FAM91A1: variants seen among roughly 807,000 people sequenced by gnomAD.
The protein encoded by FAM91A1 is protein FAM91A1.
FAM91A1 carries 41 observed loss-of-function variants against 113.5 expected under a neutral mutation model. The ratio of observed to expected loss-of-function variants is 0.36; its 90% CI spans 0.28 to 0.47. The LOEUF is 0.47. Ranked by LOEUF, FAM91A1 falls within the 20% of genes least tolerant of loss-of-function variation. FAM91A1 has a pLI of 1.00. For synonymous variants in FAM91A1, 307 were observed against 347.9 expected (o/e 0.88, Z 1.31); for missense variants, 696 against 1,001.2 (o/e 0.70, Z 4.11).
Position 123,808,945 on chromosome 8 carries a change from A to G in FAM91A1, c.2190A>G (p.Pro730=), listed in dbSNP as rs1045305166. The G allele has an allele frequency of 3.7e-6, 6 of 1,612,850 alleles. No individual in the cohort carries two copies. Among genetic ancestry groups the G allele is most frequent in the Non-Finnish European group, 2.5e-6 (3 of 1,179,386 alleles). ...CTCTCGAGCTGTGCTTTGGAATTCC[A>G]CTGTTCAGTTCCGAATTAAACCGGA... ...WVPLELCFGI[P]LFSSELNRKV... The change falls in exon 22 of 24, where the codon CCA becomes CCG. Residue 730 remains proline, a synonymous_variant. Coordinates refer to ENST00000334705, the MANE Select transcript of FAM91A1 (RefSeq NM_144963.4).
Position 123,778,032 on chromosome 8 carries a change from G to C in FAM91A1, c.375G>C (p.Arg125Ser). Residue 125 changes from arginine to serine, a missense_variant, in exon 5 of 24, where the codon AGG becomes AGC. Arg to Ser is a moderately radical substitution (Grantham distance 110, BLOSUM62 -1). Coordinates refer to ENST00000334705, the MANE Select transcript of FAM91A1 (RefSeq NM_144963.4). ...AAAGACTCTTTTTTTCAGGTCTAAG[G>C]CTTCTTGGCATAGGAAGAAACCAGT... ...LPNFTAADCLRLLGIGRNQYI... is the reference protein window; with the variant it reads ...LPNFTAADCLSLLGIGRNQYI... 2 of 1,612,120 alleles carry C rather than the reference G, an allele frequency of 1.2e-6. No individual in the cohort carries two copies. The highest frequency in any genetic ancestry group is 1.7e-6 in the Non-Finnish European group (2 of 1,178,950).
chr8:123,786,710 A>G (rs1815267500), intron 12 of FAM91A1, 100 bp downstream of exon 12: 8 of 917,082 alleles, frequency 8.7e-6, no homozygotes, highest in Middle Eastern at 2.2e-4. Context: ...TTTAGATTTT[A>G]TTCAATACGC....
chr8:123,784,965 T>G (rs913087501), intron 9 of FAM91A1, 116 bp from the exon 10 acceptor site: 2 of 671,572 alleles, frequency 3.0e-6, no homozygotes, highest in Non-Finnish European at 4.8e-6. Context: ...TTATTCAGTC[T>G]TCTAATTATT....
intron 3 of FAM91A1, among the ~76,000 whole-genome samples, chr8:123,776,557 G>A (rs1274365699): frequency 6.6e-6 from 1 of 152,218 alleles, no homozygotes; most frequent in Non-Finnish European, 1.5e-5. Flanking sequence ...TAATCAGGAA[G>A]TAGAATAGTT....
chr8:123,801,629 A>G (rs1815684370), intron 18 of FAM91A1, among the ~76,000 whole-genome samples: 1 of 152,248 alleles, frequency 6.6e-6, no homozygotes, highest in Admixed American at 6.5e-5. Flanking sequence ...TTTATCGAAT[A>G]GAATTACATA....
rs751822631 is a variant in FAM91A1, at chr8:123,785,135, A to C, written c.849+16A>C. The C allele has an allele frequency of 3.2e-6, 5 of 1,578,482 alleles. No homozygotes were observed. In the East Asian group the frequency reaches 9.1e-5, roughly 29 times the overall value. On this transcript the variant is annotated intron_variant, in intron 10 of 23. Transcript: ENST00000334705. ...CCTGGTTAAGGTATGTTATTTTTAT[A>C]CTCATTTACTGGTGATGTGATAACT...
At chr8:123,785,141 T>A (rs375128031) in intron 10 of FAM91A1, 22 bp downstream of exon 10, 2 of 1,570,806 alleles carry the variant, frequency 1.3e-6, no homozygotes, top group Non-Finnish European at 1.7e-6. Context: ...TTATACTCAT[T>A]TACTGGTGAT....
At chr8:123,768,913 G>A in intron 1 of FAM91A1, 139 bp downstream of exon 1, 1 of 866,394 alleles carries the variant, frequency 1.2e-6, no homozygotes, top group Non-Finnish European at 1.8e-6. Context: ...TGGGGAGACG[G>A]ACCTTCAGCC....
rs752833313 is a variant in FAM91A1, at chr8:123,768,773, A to C, written c.71A>C (p.Gln24Pro). ...PWNKLPANVR[Q>P]SLGNSQREYE... ...AACAAGTTGCCGGCCAACGTGAGAC[A>C]GGTACGGCCGGAACCTGGGACCGGG... Residue 24 changes from glutamine (Q) to proline (P), a missense_variant and splice_region_variant, in exon 1 of 24, where the codon CAG (glutamine) becomes CCG (proline). Physicochemically the swap from Gln to Pro is moderately conservative, Grantham distance 76 (BLOSUM62 -1). Coordinates refer to ENST00000334705, the MANE Select transcript of FAM91A1 (RefSeq NM_144963.4). 1 of 1,611,114 alleles carries C rather than the reference A, an allele frequency of 6.2e-7. No homozygotes were observed. Among genetic ancestry groups the C allele is most frequent in the Admixed American group, 1.7e-5 (1 of 59,878 alleles).
chr8:123,797,945 A>G, intron 15 of FAM91A1, 145 bp from the exon 16 acceptor site: 2 of 885,216 alleles, frequency 2.3e-6, no homozygotes, highest in Non-Finnish European at 3.4e-6. Context: ...GTGGTCTCCT[A>G]GGAAATTTGG....
Position 123,778,640 on chromosome 8 carries a change from A to C in FAM91A1, c.436-19A>C, listed in dbSNP as rs753820403. On this transcript the variant is annotated intron_variant, in intron 5 of 23. Coordinates refer to ENST00000334705, the MANE Select transcript of FAM91A1 (RefSeq NM_144963.4). ...GGTAGTTTTAGATTGCAAATTCTCA[A>C]ATGTTTGTACCATTGCAGAAATTCT... 1 of 1,585,290 alleles carries C rather than the reference A, an allele frequency of 6.3e-7. No homozygotes were observed. The highest frequency in any genetic ancestry group is 1.3e-5 in the African/African-American group (1 of 74,258).
At position 123,775,414 on chromosome 8, in the gene FAM91A1, C is replaced by G. The variant is rs943935293; in HGVS notation, c.309+116C>G. The G allele has an allele frequency of 3.7e-5, 47 of 1,265,414 alleles. No homozygotes were observed. In the African/African-American group the frequency reaches 6.7e-4, roughly 18 times the overall value. 78.4% of individuals were successfully genotyped at this position (1,265,414 alleles called of 1,614,324 possible). ...GTCTGCGGTGGACACTCTTTCAGAA[C>G]TTATAGTGTAAAAAGGACTATTGGT... On this transcript the variant is annotated intron_variant, in intron 3 of 23. Transcript: ENST00000334705.
At position 123,786,598 on chromosome 8, in the gene FAM91A1, CAAG is replaced by C; in HGVS notation, c.1071_1073del (p.Glu357del). 1.9e-6 allele frequency: 3 copies of C among 1,613,780 alleles called. No individual in the cohort carries two copies. Among genetic ancestry groups the C allele is most frequent in the Non-Finnish European group, 2.5e-6 (3 of 1,179,666 alleles). ...GGCAACTGACACTGATACAAATAGT[CAAG>C]AAGATCCAGGTTAGCAGTAACTCAG... On this transcript the variant is annotated inframe_deletion, in exon 12 of 24. Transcript: ENST00000334705.
intron 15 of FAM91A1, among the ~76,000 whole-genome samples, chr8:123,797,785 T>C (rs183047570): frequency 1.4e-3 from 206 of 152,360 alleles, no homozygotes; most frequent in African/African-American, 4.6e-3. Context: ...GGGTCAACGG[T>C]ATGCCACTGT....
intron 22 of FAM91A1, 54 bp downstream of exon 22, chr8:123,809,070 A>G: frequency 6.3e-7 from 1 of 1,591,482 alleles, no homozygotes; most frequent in Middle Eastern, 1.7e-4. Context: ...AGCTGTCAGC[A>G]AATAGTTACC....
At chr8:123,776,464 G>A (rs1319488844) in intron 3 of FAM91A1, among the ~76,000 whole-genome samples, 1 of 152,154 alleles carries the variant, frequency 6.6e-6, no homozygotes, top group Non-Finnish European at 1.5e-5. Context: ...TCCTCTTTTG[G>A]AGGAAATACT....
chr8:123,793,021 C>A (rs773311856), intron 15 of FAM91A1, among the ~76,000 whole-genome samples: 2 of 152,190 alleles, frequency 1.3e-5, no homozygotes, highest in Non-Finnish European at 2.9e-5. Flanking sequence ...GACTCACCCT[C>A]AACCTAAGCC....
chr8:123,784,452 C>A lies in FAM91A1; in HGVS notation c.704-18C>A. Reference sequence around the variant, plus strand: ...TAAAATCTGTACCACTGAGAAAAATCTCTTCTGTTTGTTTTAGTTCCACCT... The same window carrying A: ...TAAAATCTGTACCACTGAGAAAAATATCTTCTGTTTGTTTTAGTTCCACCT... On this transcript the variant is annotated intron_variant, in intron 8 of 23. Coordinates refer to ENST00000334705, the MANE Select transcript of FAM91A1 (RefSeq NM_144963.4). 6.4e-7 allele frequency: 1 copy of A among 1,565,196 alleles called. No homozygotes were observed. Among genetic ancestry groups the A allele is most frequent in the Non-Finnish European group, 8.7e-7 (1 of 1,148,938 alleles).
At chr8:123,768,921 GC>G in intron 1 of FAM91A1, 147 bp downstream of exon 1, 2 of 818,206 alleles carry the variant, frequency 2.4e-6, no homozygotes, top group Non-Finnish European at 3.9e-6. Context: ...CGGACCTTCA[GC>G]CCAGGGCGAG....
Sources: allele counts gnomAD v4.1 joint callset (sites outside exome capture counted in the v4.1 genomes callset), GRCh38; gene constraint gnomAD v4.1.1; transcripts MANE v1.5; gene names NCBI Gene and HGNC (gene_info 2026-07-23, HGNC 2026-07-21).